The following BBS9 variants were observed in gnomAD, a reference collection of about 807,000 sequenced individuals.
The protein encoded by BBS9 is protein PTHB1.
BBS9 carries 89 observed loss-of-function variants against 117.7 expected under a neutral mutation model. The ratio of observed to expected loss-of-function variants is 0.76; its 90% CI spans 0.64 to 0.90. The LOEUF (loss-of-function observed/expected upper bound fraction) is 0.90, where lower values mean the gene tolerates loss of function less well. BBS9 is among the 40% of genes least tolerant of loss of function. The pLI, the probability that BBS9 is intolerant of heterozygous loss-of-function variation, is 0.00. For missense variants in BBS9, 982 were observed against 1,042.2 expected (o/e 0.94, Z 0.80); for synonymous variants, 379 against 370.9 (o/e 1.02, Z -0.25).
intron 17 of BBS9, among the ~76,000 whole-genome samples, chr7:33,373,812 C>T (rs1415957437): frequency 6.6e-6 from 1 of 151,986 alleles, no homozygotes; most frequent in Non-Finnish European, 1.5e-5. Context: ...GATTATTTTG[C>T]TTTCAGGTAT....
Position 33,340,894 on chromosome 7 carries a change from C to T in BBS9, c.1199-3C>T. On this transcript the variant is annotated splice_region_variant and splice_polypyrimidine_tract_variant and intron_variant, in intron 10 of 22. Coordinates refer to ENST00000242067, the MANE Select transcript of BBS9 (RefSeq NM_198428.3). ...AAATAATTTTTCTTTTTTTAAATCA[C>T]AGGTGTTTGGCCCATGACTGAGAGA... The T allele has an allele frequency of 7.4e-6, 12 of 1,611,536 alleles. No homozygotes were observed. The highest frequency in any genetic ancestry group is 9.3e-6 in the Non-Finnish European group (11 of 1,178,566).
intron 21 of BBS9, among the ~76,000 whole-genome samples, chr7:33,560,288 C>G (rs944066451): frequency 2.0e-5 from 3 of 152,134 alleles, no homozygotes; most frequent in African/African-American, 7.2e-5. Flanking sequence ...GCCTAGGGAT[C>G]ATAGTGGATT....
intron 21 of BBS9, among the ~76,000 whole-genome samples, chr7:33,544,918 T>C (rs1425984223): frequency 6.6e-6 from 1 of 152,028 alleles, no homozygotes; most frequent in Non-Finnish European, 1.5e-5. Context: ...TAGAGTTGTG[T>C]ACCTAGGAGG....
intron 21 of BBS9, among the ~76,000 whole-genome samples, chr7:33,626,008 T>A (rs1865620728): frequency 6.6e-6 from 1 of 152,138 alleles, no homozygotes. Context: ...TGGTTTGGAT[T>A]TGTGTCCCCA....
chr7:33,593,498 G>A (rs1862262918), intron 21 of BBS9, among the ~76,000 whole-genome samples: 1 of 115,338 alleles, frequency 8.7e-6, no homozygotes, highest in South Asian at 2.6e-4. Context: ...AACTAAATGT[G>A]TTAGAAAAAA....
At chr7:33,496,224 G>C (rs559599952) in intron 19 of BBS9, among the ~76,000 whole-genome samples, 14 of 152,218 alleles carry the variant, frequency 9.2e-5, no homozygotes, top group Non-Finnish European at 1.9e-4. Flanking sequence ...ATGTATTCTG[G>C]GCCAGGCGTG....
At chr7:33,281,366 CTTTTTTTTTTTT>C (rs397890694) in intron 9 of BBS9, among the ~76,000 whole-genome samples, 2 of 43,852 alleles carry the variant, frequency 4.6e-5, no homozygotes, top group Non-Finnish European at 4.0e-5. Flanking sequence ...TGGTCTATGC[CTTTTTTTTTTTT>C]TTTTTTTTTT....
At chr7:33,360,207 A>G (rs1350070126) in intron 16 of BBS9, among the ~76,000 whole-genome samples, 2 of 152,088 alleles carry the variant, frequency 1.3e-5, no homozygotes, top group East Asian at 1.9e-4. Context: ...CACTGTTGTA[A>G]CAATACTTCT....
chr7:33,168,743 T>A (rs1200422377), intron 4 of BBS9, among the ~76,000 whole-genome samples: 1 of 152,220 alleles, frequency 6.6e-6, no homozygotes, highest in Non-Finnish European at 1.5e-5. Flanking sequence ...TCAAACCAGA[T>A]AATATTTTTA....
intron 19 of BBS9, among the ~76,000 whole-genome samples, chr7:33,425,344 AT>A (rs1179356735): frequency 1.2e-4 from 18 of 152,170 alleles, no homozygotes; most frequent in Non-Finnish European, 2.2e-4. Flanking sequence ...CTTTAAAAAA[AT>A]TTTTTATTTT....
At chr7:33,418,721 A>T (rs1433502043) in intron 19 of BBS9, among the ~76,000 whole-genome samples, 1 of 152,176 alleles carries the variant, frequency 6.6e-6, no homozygotes, top group African/African-American at 2.4e-5. Flanking sequence ...GGAAGAAGGT[A>T]ACCCTGCAGG....
At chr7:33,476,851 GTATA>G (rs1427275906) in intron 19 of BBS9, among the ~76,000 whole-genome samples, 1 of 152,170 alleles carries the variant, frequency 6.6e-6, no homozygotes, top group Non-Finnish European at 1.5e-5. Flanking sequence ...AATTAAGTAT[GTATA>G]TAGATTGTCA....
chr7:33,474,171 G>A (rs1841477201), intron 19 of BBS9, among the ~76,000 whole-genome samples: 1 of 152,146 alleles, frequency 6.6e-6, no homozygotes, highest in Non-Finnish European at 1.5e-5. Flanking sequence ...CTGCCATGTG[G>A]CCTGTTAGTT....
intron 16 of BBS9, among the ~76,000 whole-genome samples, chr7:33,362,646 T>G (rs1563064284): frequency 6.6e-6 from 1 of 152,228 alleles, no homozygotes; most frequent in Non-Finnish European, 1.5e-5. Context: ...CCAATAACAT[T>G]GTGTTTTGAT....
intron 21 of BBS9, among the ~76,000 whole-genome samples, chr7:33,629,888 T>C (rs1247394783): frequency 6.6e-6 from 1 of 152,236 alleles, no homozygotes; most frequent in African/African-American, 2.4e-5. Context: ...TCTGAGTTCC[T>C]CTAAAACTCC....
intron 6 of BBS9, among the ~76,000 whole-genome samples, chr7:33,258,819 AT>A (rs1797503201): frequency 6.6e-6 from 1 of 152,206 alleles, no homozygotes; most frequent in African/African-American, 2.4e-5. Context: ...TCTGGGAGTG[AT>A]TGGATAGAGA....
rs528734138 is a variant in BBS9, at chr7:33,269,799, C to T, written c.703-3213C>T. On this transcript the variant is annotated intron_variant, in intron 7 of 22. Transcript: ENST00000242067. ...CAGCACTTTGGGAGGCCGAGGCAGG[C>T]GGATCACGAGGTCAGGAAATCGAGA... is the stretch of plus-strand genomic sequence containing the variant. Among the ~76,000 whole-genome samples, 120 of 151,166 alleles carry T rather than the reference C, an allele frequency of 7.9e-4. 1 individual carries two copies. In the South Asian group the frequency reaches 0.011, roughly 13 times the overall value.
intron 21 of BBS9, among the ~76,000 whole-genome samples, chr7:33,582,225 G>A (rs1860074791): frequency 6.6e-6 from 1 of 152,084 alleles, no homozygotes; most frequent in Admixed American, 6.6e-5. Context: ...ATATGGAGGA[G>A]TTAGGCCAAC....
rs748601675 is a variant in BBS9 at position 33,357,863 on chromosome 7, C to T, written c.1561C>T (p.Arg521Ter). 16 of 1,611,662 alleles carry T rather than the reference C, an allele frequency of 9.9e-6. No individual in the cohort carries two copies. The highest frequency in any genetic ancestry group is 2.2e-5 in the South Asian group (2 of 91,022). The change falls in exon 16 of 23, where the codon CGA (arginine) becomes TGA (stop). Residue 521 changes from arginine (R) to a stop codon, truncating the protein, a stop_gained. Transcript: ENST00000242067. LOFTEE classifies it high-confidence loss of function. ...PTDRNPDGIP[R>*]VIQCKFRLPL... is the part of the protein sequence containing the mutation. ...TCTCTCTTTTATTTTAGGCATTCCG[C>T]GAGTTATCCAATGTAAATTTAGACT...
Sources: gnomAD v4.1 joint callset for allele counts (sites outside exome capture counted in the v4.1 genomes callset) on GRCh38, gnomAD v4.1.1 for gene constraint, MANE v1.5 for transcripts, NCBI Gene and HGNC (gene_info 2026-07-23, HGNC 2026-07-21) for gene names.